Variants in EPB41L2 observed in about 807,000 individuals in gnomAD.
EPB41L2 encodes erythrocyte membrane protein band 4.1 like 2.
A neutral mutation model predicts 113.0 loss-of-function variants in EPB41L2; 43 were observed. The observed-to-expected ratio is 0.38, with a 90% CI of 0.30 to 0.49. The LOEUF (loss-of-function observed/expected upper bound fraction) is 0.49, where lower values mean the gene tolerates loss of function less well. Ranked by LOEUF, EPB41L2 falls within the 20% of genes least tolerant of loss-of-function variation. The probability of loss-of-function intolerance (pLI) is 0.95; values close to 1 mark genes in which losing one functional copy is unlikely to be tolerated. For missense variants in EPB41L2, 1,147 were observed against 1,223.4 expected (o/e 0.94, Z 0.93); for synonymous variants, 442 against 436.7 (o/e 1.01, Z -0.15).
intron 19 of EPB41L2, among the ~76,000 whole-genome samples, chr6:130,853,188 C>T (rs538578339): frequency 1.3e-5 from 2 of 152,316 alleles, no homozygotes; most frequent in East Asian, 3.9e-4. Flanking sequence ...GGATGAGCAG[C>T]CACTCCTCTG....
At chr6:131,018,337 C>T (rs1788706590) in intron 1 of EPB41L2, among the ~76,000 whole-genome samples, 1 of 152,116 alleles carries the variant, frequency 6.6e-6, no homozygotes, top group Non-Finnish European at 1.5e-5. Flanking sequence ...CCTAAGCTCA[C>T]ATCTCATTGG....
intron 3 of EPB41L2, among the ~76,000 whole-genome samples, chr6:130,941,879 A>G (rs1811019212): frequency 6.6e-6 from 1 of 152,196 alleles, no homozygotes; most frequent in East Asian, 1.9e-4. Context: ...TAAAAGATAA[A>G]TTAATACTCC....
At chr6:130,939,340 G>A (rs969449457) in intron 3 of EPB41L2, among the ~76,000 whole-genome samples, 1 of 151,222 alleles carries the variant, frequency 6.6e-6, no homozygotes, top group Admixed American at 6.6e-5. Flanking sequence ...TACAACCTCC[G>A]CCTGTCGGGT....
At chr6:131,015,500 T>C (rs1021957806) in intron 1 of EPB41L2, among the ~76,000 whole-genome samples, 1 of 152,230 alleles carries the variant, frequency 6.6e-6, no homozygotes, top group East Asian at 1.9e-4. Flanking sequence ...AGTTTAAACA[T>C]GGGTTTCCTG....
intron 13 of EPB41L2, 84 bp from the exon 14 acceptor site, chr6:130,878,334 C>A: frequency 2.1e-6 from 3 of 1,409,902 alleles, no homozygotes; most frequent in Non-Finnish European, 2.8e-6. Flanking sequence ...AAAAATAAGA[C>A]AAAGCAAACT....
intron 1 of EPB41L2, among the ~76,000 whole-genome samples, chr6:130,989,114 G>A (rs1167831924): frequency 6.6e-6 from 1 of 152,028 alleles, no homozygotes; most frequent in Admixed American, 6.6e-5. Context: ...AACAAAGAAT[G>A]AAGGACAGGA....
At chr6:130,881,709 C>A (rs150420055) in intron 12 of EPB41L2, 4 of 152,084 alleles carry the variant, frequency 2.6e-5, no homozygotes, top group Non-Finnish European at 4.4e-5. Flanking sequence ...AATCCTCAAA[C>A]CAAACACCTA....
chr6:130,850,789 A>G, intron 19 of EPB41L2, among the ~76,000 whole-genome samples: 1 of 152,242 alleles, frequency 6.6e-6, no homozygotes, highest in East Asian at 1.9e-4. Context: ...TTGGGGAATG[A>G]GTGACTACTG....
chr6:130,948,234 A>G (rs1376528270), intron 3 of EPB41L2, among the ~76,000 whole-genome samples: 1 of 152,232 alleles, frequency 6.6e-6, no homozygotes, highest in African/African-American at 2.4e-5. Flanking sequence ...GAATTAGAAG[A>G]CTAAACTGCT....
At chr6:131,051,999 T>C (rs970229590) in intron 1 of EPB41L2, among the ~76,000 whole-genome samples, 3 of 150,960 alleles carry the variant, frequency 2.0e-5, no homozygotes, top group African/African-American at 7.3e-5. Context: ...TGCAGTGGCA[T>C]GATCTCGGCT....
chr6:131,038,898 A>G (rs982578584), intron 1 of EPB41L2, among the ~76,000 whole-genome samples: 9 of 152,220 alleles, frequency 5.9e-5, no homozygotes, highest in South Asian at 2.1e-4. Flanking sequence ...TGGGGAAAAA[A>G]CTTACAAAAC....
chr6:131,057,334 G>A (rs1314196421), intron 1 of EPB41L2, among the ~76,000 whole-genome samples: 1 of 152,102 alleles, frequency 6.6e-6, no homozygotes, highest in Non-Finnish European at 1.5e-5. Context: ...TGAGGCCCAA[G>A]AACCCCACTC....
At chr6:131,033,054 T>G (rs1792538997) in intron 1 of EPB41L2, among the ~76,000 whole-genome samples, 1 of 152,164 alleles carries the variant, frequency 6.6e-6, no homozygotes, top group East Asian at 1.9e-4. Flanking sequence ...TTTTGTAGTT[T>G]TAGTAGAGAC....
intron 18 of EPB41L2, among the ~76,000 whole-genome samples, chr6:130,863,105 C>T (rs1782663209): frequency 6.6e-6 from 1 of 152,144 alleles, no homozygotes; most frequent in South Asian, 2.1e-4. Flanking sequence ...AGGCATGATT[C>T]TTTTAAAAAA....
At chr6:130,893,528 G>T (rs1202091672) in intron 10 of EPB41L2, among the ~76,000 whole-genome samples, 1 of 152,212 alleles carries the variant, frequency 6.6e-6, no homozygotes, top group Non-Finnish European at 1.5e-5. Context: ...GGCAAAGGAA[G>T]TCAAAAGACA....
In EPB41L2 at chr6:130,855,282, C is replaced by T. The variant is rs78245534; in HGVS notation, c.*5+2849G>A. ...GGCAGAATTGCTTGAACCTGGGAGG[C>T]GGAGGTTGAAGTGAACCGAGATTGC... On this transcript the variant is annotated intron_variant, in intron 19 of 19. Coordinates refer to ENST00000337057, the MANE Select transcript of EPB41L2 (RefSeq NM_001431.4). 2.0e-5 allele frequency among the ~76,000 whole-genome samples: 3 copies of T among 151,856 alleles called. 1 individual carries two copies. The highest frequency in any genetic ancestry group is 2.9e-5 in the Non-Finnish European group (2 of 67,962).
intron 1 of EPB41L2, among the ~76,000 whole-genome samples, chr6:130,968,447 G>A (rs763877186): frequency 6.6e-6 from 1 of 152,274 alleles, no homozygotes; most frequent in Non-Finnish European, 1.5e-5. Flanking sequence ...AATTTTGGCC[G>A]TTAGTTCTTC....
rs577838203 is a variant in EPB41L2, at chr6:131,040,504, C to A, written c.-15+22651G>T. On this transcript the variant is annotated intron_variant, in intron 1 of 19. Transcript: ENST00000337057. ...ATTTTACCACAATTCTTTAAAAATC[C>A]CATTTTATCACCATTTTGCTATTCC... Among the ~76,000 whole-genome samples the A allele has an allele frequency of 2.0e-5, 3 of 152,148 alleles. No homozygotes were observed. The East Asian group carries it at 5.8e-4, about 29-fold the overall frequency.
intron 1 of EPB41L2, among the ~76,000 whole-genome samples, chr6:130,987,499 T>C (rs367704775): frequency 1.3e-5 from 2 of 151,974 alleles, no homozygotes; most frequent in African/African-American, 4.8e-5. Flanking sequence ...TCAAGACCAG[T>C]CTGCCCAACA....
Sources: gnomAD v4.1 joint callset for allele counts (sites outside exome capture counted in the v4.1 genomes callset) on GRCh38, gnomAD v4.1.1 for gene constraint, MANE v1.5 for transcripts, NCBI Gene and HGNC (gene_info 2026-07-23, HGNC 2026-07-21) for gene names.